Variants in UBR1 observed in about 807,000 individuals in gnomAD.
The protein encoded by UBR1 is ubiquitin protein ligase E3 component n-recognin 1.
A neutral mutation model predicts 242.1 loss-of-function variants in UBR1; 102 were observed. That is an observed-to-expected ratio of 0.42 (90% CI 0.36 to 0.50). The LOEUF is 0.50. UBR1 is among the 20% of genes least tolerant of loss of function. UBR1 has a pLI of 0.01. For missense variants in UBR1, 1,772 were observed against 2,101.8 expected (o/e 0.84, Z 3.07); for synonymous variants, 675 against 684.8 (o/e 0.99, Z 0.22).
At chr15:42,972,417 G>A (rs2032221741) in intron 39 of UBR1, among the ~76,000 whole-genome samples, 1 of 152,020 alleles carries the variant, frequency 6.6e-6, no homozygotes, top group East Asian at 1.9e-4. Flanking sequence ...CACACAGACT[G>A]GAGTGTAGTG....
At chr15:42,978,792 G>A (rs1425096057) in intron 37 of UBR1, among the ~76,000 whole-genome samples, 1 of 147,688 alleles carries the variant, frequency 6.8e-6, no homozygotes, top group African/African-American at 2.5e-5. Flanking sequence ...GCAGTGGCAT[G>A]ATGTCGGCTC....
intron 3 of UBR1, among the ~76,000 whole-genome samples, chr15:43,081,760 T>C (rs1291866162): frequency 3.9e-5 from 6 of 152,158 alleles, no homozygotes; most frequent in Non-Finnish European, 7.4e-5. Flanking sequence ...GCTCAGTCTA[T>C]CTCTTGCCAT....
chr15:43,009,604 G>A (rs1225171545), intron 29 of UBR1, among the ~76,000 whole-genome samples: 1 of 152,198 alleles, frequency 6.6e-6, no homozygotes, highest in Non-Finnish European at 1.5e-5. Flanking sequence ...AACACCCTAA[G>A]GATCCTGTGA....
chr15:43,077,679 A>G (rs915463742), intron 3 of UBR1, among the ~76,000 whole-genome samples: 1 of 150,728 alleles, frequency 6.6e-6, no homozygotes, highest in African/African-American at 2.5e-5. Flanking sequence ...AAAAAAAATA[A>G]AAATAAAAAT....
intron 46 of UBR1, among the ~76,000 whole-genome samples, chr15:42,950,025 G>A (rs2031803974): frequency 1.3e-5 from 2 of 151,476 alleles, no homozygotes; most frequent in African/African-American, 4.9e-5. Flanking sequence ...TTTTAGTAGC[G>A]ACGGGTTTTC....
intron 2 of UBR1, among the ~76,000 whole-genome samples, chr15:43,083,092 A>C (rs957955727): frequency 1.3e-5 from 2 of 152,228 alleles, no homozygotes; most frequent in African/African-American, 4.8e-5. Flanking sequence ...TATTTTACAA[A>C]AGCTGATTGC....
Position 42,966,213 on chromosome 15 carries a change from A to G in UBR1, c.4531T>C (p.Cys1511Arg), listed in dbSNP as rs2141259173. The change falls in exon 41 of 47, where the codon TGT (cysteine) becomes CGT (arginine). Residue 1511 changes from cysteine to arginine, a missense_variant. This residue lies in a region of UBR1 where 965 missense variants were observed against 1,079.7 expected (regional missense o/e 0.89). Coordinates refer to ENST00000290650, the MANE Select transcript of UBR1 (RefSeq NM_174916.3). Reference protein sequence around the residue: ...LKNGITPYLRCAALFFHYLLG... With the variant: ...LKNGITPYLRRAALFFHYLLG... ...AAATAGTGGAAAAACAATGCAGCAC[A>G]GCGAAGATAAGGGGTGATGCCATTC... 1.6e-5 allele frequency: 26 copies of G among 1,614,208 alleles called. No individual in the cohort carries two copies. Among genetic ancestry groups the G allele is most frequent in the Non-Finnish European group, 2.2e-5 (26 of 1,180,040 alleles).
chr15:43,075,941 C>G (rs1596132141), intron 3 of UBR1, among the ~76,000 whole-genome samples: 1 of 123,576 alleles, frequency 8.1e-6, no homozygotes, highest in East Asian at 2.4e-4. Flanking sequence ...ATTAAACAAA[C>G]TTAAAAAAAC....
intron 33 of UBR1, among the ~76,000 whole-genome samples, chr15:42,997,525 T>C (rs1182288414): frequency 2.0e-5 from 3 of 152,234 alleles, no homozygotes; most frequent in Non-Finnish European, 2.9e-5. Flanking sequence ...TTTTCCTCAC[T>C]GTATTTTAAA....
In UBR1 at chr15:42,982,033, G is replaced by A. The variant is rs553887794; in HGVS notation, c.4150+1864C>T. Among the ~76,000 whole-genome samples the A allele has an allele frequency of 2.0e-5, 3 of 152,114 alleles. No homozygotes were observed. The East Asian group carries it at 5.8e-4, about 29-fold the overall frequency. On this transcript the variant is annotated intron_variant, in intron 37 of 46. Transcript: ENST00000290650. ...GTCTCTACCATCTGTGATAATGTTA[G>A]TCTCCTTCTTTGGTGCTTTTTTTGA...
intron 40 of UBR1, among the ~76,000 whole-genome samples, chr15:42,967,865 A>G (rs1409414529): frequency 6.6e-6 from 1 of 151,576 alleles, no homozygotes; most frequent in Non-Finnish European, 1.5e-5. Flanking sequence ...TCAGCAGAGC[A>G]TGCCTATCGT....
intron 14 of UBR1, 151 bp from the exon 15 acceptor site, chr15:43,043,546 C>A: frequency 2.7e-6 from 2 of 730,244 alleles, no homozygotes; most frequent in East Asian, 5.4e-5. Flanking sequence ...GGCTCAGTCA[C>A]CTGAGGTGAT....
chr15:43,033,705 T>G (rs1193237493), intron 19 of UBR1, among the ~76,000 whole-genome samples: 1 of 152,180 alleles, frequency 6.6e-6, no homozygotes, highest in Non-Finnish European at 1.5e-5. Flanking sequence ...CAAAGAAATT[T>G]TACTAGCAGG....
chr15:42,958,228 T>G, intron 43 of UBR1, 138 bp from the exon 44 acceptor site: 1 of 664,122 alleles, frequency 1.5e-6, no homozygotes, highest in Admixed American at 2.6e-5. Flanking sequence ...CACTGTTGAC[T>G]TGATCAAATC....
intron 3 of UBR1, 67 bp from the exon 4 acceptor site, chr15:43,075,156 T>C: frequency 8.4e-7 from 1 of 1,186,754 alleles, no homozygotes; most frequent in Non-Finnish European, 1.3e-6. Context: ...ATGATAAAGA[T>C]GACTCAAATA....
intron 1 of UBR1, among the ~76,000 whole-genome samples, chr15:43,090,773 T>G (rs1329714044): frequency 6.6e-6 from 1 of 152,178 alleles, no homozygotes; most frequent in Non-Finnish European, 1.5e-5. Context: ...TCACATTTCA[T>G]AGATGAGAAA....
intron 1 of UBR1, among the ~76,000 whole-genome samples, chr15:43,101,588 G>C (rs1227363617): frequency 6.6e-6 from 1 of 152,166 alleles, no homozygotes; most frequent in South Asian, 2.1e-4. Context: ...CCAGCAACTG[G>C]GGAGGCCGAG....
intron 29 of UBR1, among the ~76,000 whole-genome samples, chr15:43,009,136 A>T (rs1313542207): frequency 2.0e-5 from 3 of 152,188 alleles, no homozygotes; most frequent in African/African-American, 7.2e-5. Flanking sequence ...CAAGAAGGAG[A>T]GAAGAGCTGT....
In UBR1 at chr15:42,988,850, C is replaced by T; in HGVS notation, c.3966G>A (p.Trp1322Ter). 1 of 1,614,164 alleles carries T rather than the reference C, an allele frequency of 6.2e-7. No individual in the cohort carries two copies. The highest frequency in any genetic ancestry group is 8.5e-7 in the Non-Finnish European group (1 of 1,180,038). ...ERDPRVPMLT[W>*]STCAFTIQAI... ...CCTGGATAGTGAAAGCGCAGGTGCT[C>T]CAGGTCAGCATGGGGACTCGAGGAT... Residue 1322 changes from tryptophan (W) to a stop codon, truncating the protein, a stop_gained, in exon 35 of 47, where the codon TGG becomes TGA. Coordinates refer to ENST00000290650, the MANE Select transcript of UBR1 (RefSeq NM_174916.3). LOFTEE classifies it high-confidence loss of function.
Sources: allele counts gnomAD v4.1 joint callset (sites outside exome capture counted in the v4.1 genomes callset), GRCh38; gene constraint gnomAD v4.1.1; regional missense constraint gnomAD v4.1.1; transcripts MANE v1.5; gene names NCBI Gene and HGNC (gene_info 2026-07-23, HGNC 2026-07-21).